Variants in PITPNM2 observed in about 807,000 individuals in gnomAD.
PITPNM2 encodes the protein membrane-associated phosphatidylinositol transfer protein 2.
In PITPNM2, 35 loss-of-function variants were observed where a neutral mutation model predicts 132.2. The ratio of observed to expected loss-of-function variants is 0.26; its 90% confidence interval spans 0.20 to 0.35. PITPNM2 has a LOEUF of 0.35. PITPNM2 is among the 10% of genes least tolerant of loss of function. PITPNM2 has a pLI of 1.00. For missense variants in PITPNM2, 1,332 were observed against 1,912.0 expected, an observed-to-expected ratio of 0.70 and a Z score of 5.66; for synonymous variants, 738 against 799.2, an observed-to-expected ratio of 0.92 and a Z score of 1.29.
intron 2 of PITPNM2, among the ~76,000 whole-genome samples, chr12:123,048,659 G>A (rs1180964570): frequency 1.3e-5 from 2 of 152,048 alleles, no homozygotes; most frequent in African/African-American, 4.8e-5. Flanking sequence ...TGATCCACCC[G>A]CCTCGGCCTC....
intron 2 of PITPNM2, among the ~76,000 whole-genome samples, chr12:123,109,550 T>C (rs997535573): frequency 6.6e-6 from 1 of 152,160 alleles, no homozygotes; most frequent in Non-Finnish European, 1.5e-5. Flanking sequence ...AAAACCACAC[T>C]CATGCTTGTT....
At position 123,150,801 on chromosome 12, in the gene PITPNM2, G is replaced by A. The variant is rs2043726571; in HGVS notation, c.-248C>T. ...CTGTCCTCTTCGGGGCCCCGGCTGG[G>A]CCGCCGCCACCTCACGCCGCCTCAC... is the stretch of plus-strand genomic sequence containing the variant. On this transcript the variant is annotated 5_prime_UTR_variant, in exon 1 of 26. Transcript: ENST00000320201. This position sits in a 1 kb window ranked among gnomAD's most constrained non-coding sequence, Gnocchi z 6.0. 6.8e-6 allele frequency among the ~76,000 whole-genome samples: 1 copy of A among 147,658 alleles called. No homozygotes were observed. Among genetic ancestry groups the A allele is most frequent in the Admixed American group, 6.7e-5 (1 of 14,884 alleles).
intron 3 of PITPNM2, among the ~76,000 whole-genome samples, chr12:123,027,269 T>C (rs966812032): frequency 6.6e-6 from 1 of 152,070 alleles, no homozygotes. Flanking sequence ...TTGCCACCCA[T>C]AGGTGACCCT....
chr12:123,118,162 C>T (rs1016343662), intron 1 of PITPNM2, among the ~76,000 whole-genome samples: 12 of 152,184 alleles, frequency 7.9e-5, no homozygotes, highest in African/African-American at 2.9e-4. Flanking sequence ...AATACATTCA[C>T]CAAATTGATA....
intron 2 of PITPNM2, among the ~76,000 whole-genome samples, chr12:123,067,735 A>C (rs1336889255): frequency 1.3e-5 from 2 of 152,212 alleles, no homozygotes; most frequent in East Asian, 3.9e-4. Flanking sequence ...TGTTTAGGCC[A>C]TGCAGTTTGT....
In PITPNM2 at chr12:123,096,947, T is replaced by C. The variant is rs548799892; in HGVS notation, c.-96+13438A>G. Among the ~76,000 whole-genome samples, 6 of 152,354 alleles carry C rather than the reference T, an allele frequency of 3.9e-5. No individual in the cohort carries two copies. In the East Asian group the frequency reaches 7.7e-4, roughly 20 times the overall value. On this transcript the variant is annotated intron_variant, in intron 2 of 25. Transcript: ENST00000320201. ...CTAAAGGATGCTGGACTGGTGCCAC[T>C]GTGCTTAGTGCAACACAGCTGTCCC... is the stretch of plus-strand genomic sequence containing the variant.
At chr12:123,103,896 TTTTA>T (rs113942958) in intron 2 of PITPNM2, among the ~76,000 whole-genome samples, 218 of 149,922 alleles carry the variant, frequency 1.5e-3, no homozygotes, top group African/African-American at 5.0e-3. Flanking sequence ...TATTTTGTTA[TTTTA>T]TTTATTTATT....
rs374814359 is a variant in PITPNM2, at chr12:123,146,115, G to A, written c.-200+4638C>T. Reference sequence around the variant, plus strand: ...GTGGGAGCTAAAGGTGAGAACACACGGACACATAGAGGGGGGTAACACACA... The same window carrying A: ...GTGGGAGCTAAAGGTGAGAACACACAGACACATAGAGGGGGGTAACACACA... On this transcript the variant is annotated intron_variant, in intron 1 of 25. Transcript: ENST00000320201. 1.4e-4 allele frequency among the ~76,000 whole-genome samples: 21 copies of A among 152,172 alleles called. No homozygotes were observed. In the East Asian group the frequency reaches 2.5e-3, roughly 18 times the overall value.
At chr12:123,116,580 T>C (rs2042940008) in intron 1 of PITPNM2, among the ~76,000 whole-genome samples, 1 of 150,472 alleles carries the variant, frequency 6.6e-6, no homozygotes, top group African/African-American at 2.5e-5. Flanking sequence ...GCCCAGGAGG[T>C]TGAGGCTGCA....
At position 123,000,567 on chromosome 12, in the gene PITPNM2, G is replaced by A. The variant is rs1397995208; in HGVS notation, c.1224+211C>T. On this transcript the variant is annotated intron_variant, in intron 10 of 25. Coordinates refer to ENST00000320201, the MANE Select transcript of PITPNM2 (RefSeq NM_020845.3). The surrounding 1 kb of genome is among the most constrained non-coding windows in gnomAD (Gnocchi z 5.4). Reference sequence around the variant, plus strand: ...GGGTTGTCTGTAGTCCCTGGTTCTCGGGGACCTCAGAGACAGAGGGCGACA... The same window carrying A: ...GGGTTGTCTGTAGTCCCTGGTTCTCAGGGACCTCAGAGACAGAGGGCGACA... 9 of 672,604 alleles carry A rather than the reference G, an allele frequency of 1.3e-5. No homozygotes were observed. Among genetic ancestry groups the A allele is most frequent in the Admixed American group, 4.5e-5 (2 of 44,434 alleles). 41.7% of individuals were successfully genotyped at this position (672,604 alleles called of 1,614,324 possible).
rs751067447 is a variant in PITPNM2, at chr12:123,111,644, C to T, written c.-199-1156G>A. On this transcript the variant is annotated intron_variant, in intron 1 of 25. Transcript: ENST00000320201. The surrounding 1 kb of genome is among the most constrained non-coding windows in gnomAD (Gnocchi z 4.1). The stretch of plus-strand genomic sequence containing the variant: ...TCCAACCCCGCCACCGCCACCGCGT[C>T]CTGCATGCCCACCCCCGTGCAGGCT... Among the ~76,000 whole-genome samples the T allele has an allele frequency of 1.3e-5, 2 of 152,210 alleles. No homozygotes were observed. Among genetic ancestry groups the T allele is most frequent in the Non-Finnish European group, 2.9e-5 (2 of 68,034 alleles).
chr12:122,994,125 C>G lies in PITPNM2; in HGVS notation c.2233+676G>C, dbSNP rs191571999. Among the ~76,000 whole-genome samples the G allele has an allele frequency of 8.5e-5, 13 of 152,310 alleles. No individual in the cohort carries two copies. Among genetic ancestry groups the G allele is most frequent in the African/African-American group, 3.1e-4 (13 of 41,550 alleles). ...CTGACCTCAGCTGATCCGCCCGCCT[C>G]GGCCTCCCAAAGTGCTGGATTACAG... On this transcript the variant is annotated intron_variant, in intron 15 of 25. Transcript: ENST00000320201. This position sits in a 1 kb window ranked among gnomAD's most constrained non-coding sequence, Gnocchi z 5.4.
In PITPNM2 at chr12:123,095,647, A is replaced by C. The variant is rs1294622892; in HGVS notation, c.-96+14738T>G. ...TTCAAGGCGACATCTAAGCTCCTTA[A>C]CTAGGGCACGAGGCCCCCAACCTGG... is the stretch of plus-strand genomic sequence containing the variant. On this transcript the variant is annotated intron_variant, in intron 2 of 25. Coordinates refer to ENST00000320201, the MANE Select transcript of PITPNM2 (RefSeq NM_020845.3). The surrounding 1 kb of genome is among the most constrained non-coding windows in gnomAD (Gnocchi z 5.0). Among the ~76,000 whole-genome samples, 1 of 152,128 alleles carries C rather than the reference A, an allele frequency of 6.6e-6. No individual in the cohort carries two copies. The highest frequency in any genetic ancestry group is 2.4e-5 in the African/African-American group (1 of 41,418).
At chr12:123,124,458 C>T (rs1327748217) in intron 1 of PITPNM2, among the ~76,000 whole-genome samples, 1 of 152,042 alleles carries the variant, frequency 6.6e-6, no homozygotes, top group Non-Finnish European at 1.5e-5. Flanking sequence ...AAGTAATATA[C>T]ATTAATATAT....
In PITPNM2 at chr12:122,997,388, C is replaced by A. The variant is rs759367154; in HGVS notation, c.1409G>T (p.Arg470Leu). The A allele has an allele frequency of 6.2e-7, 1 of 1,613,436 alleles. No individual in the cohort carries two copies. Among genetic ancestry groups the A allele is most frequent in the South Asian group, 1.1e-5 (1 of 91,072 alleles). The change falls in exon 11 of 26, where the codon CGC (arginine) becomes CTC (leucine). Residue 470 changes from arginine to leucine, a missense_variant. By Grantham distance (102) the Arg-to-Leu change is moderately radical. This residue lies in a region of PITPNM2 where 710 missense variants were observed against 911.5 expected (regional missense o/e 0.78). Coordinates refer to ENST00000320201, the MANE Select transcript of PITPNM2 (RefSeq NM_020845.3). ...MRVHYPSALG[R>L]LAIRLVPCPP... is the part of the protein sequence containing the mutation. ...GCAGGGCACCAGGCGGATGGCAAGG[C>A]GGCCCAGGGCGCTGGGGTAGTGCAC...
chr12:123,128,534 A>G (rs992590405), intron 1 of PITPNM2, among the ~76,000 whole-genome samples: 4 of 149,866 alleles, frequency 2.7e-5, no homozygotes, highest in African/African-American at 7.4e-5. Context: ...GGGGCAAATC[A>G]CAAGGTCAGA....
At chr12:123,115,214 T>C (rs933653172) in intron 1 of PITPNM2, among the ~76,000 whole-genome samples, 25 of 152,190 alleles carry the variant, frequency 1.6e-4, no homozygotes, top group Non-Finnish European at 1.5e-5. Context: ...TTTCTTATTT[T>C]ATGACCCTAC....
Position 122,993,116 on chromosome 12 carries a change from C to T in PITPNM2, c.2234-447G>A, listed in dbSNP as rs747249088. On this transcript the variant is annotated intron_variant, in intron 15 of 25. Transcript: ENST00000320201. This position sits in a 1 kb window ranked among gnomAD's most constrained non-coding sequence, Gnocchi z 5.2. Reference sequence around the variant, plus strand: ...TGCTGGGATTACAGGCGTGAGCCACCACGCCTGACCTCTAATTTTTTTTCA... The same window carrying T: ...TGCTGGGATTACAGGCGTGAGCCACTACGCCTGACCTCTAATTTTTTTTCA... Among the ~76,000 whole-genome samples, 90 of 152,298 alleles carry T rather than the reference C, an allele frequency of 5.9e-4. 1 individual carries two copies. Among genetic ancestry groups the T allele is most frequent in the Non-Finnish European group, 1.2e-3 (85 of 68,028 alleles).
At chr12:123,137,563 C>T (rs1394685712) in intron 1 of PITPNM2, among the ~76,000 whole-genome samples, 4 of 152,170 alleles carry the variant, frequency 2.6e-5, no homozygotes, top group Non-Finnish European at 5.9e-5. Context: ...ACCACTGCTA[C>T]TGTTACCAGG....
Sources: allele counts gnomAD v4.1 joint callset (sites outside exome capture counted in the v4.1 genomes callset), GRCh38; gene constraint gnomAD v4.1.1; regional missense constraint gnomAD v4.1.1; non-coding constraint Gnocchi (gnomAD v3.1); transcripts MANE v1.5; gene names NCBI Gene and HGNC (gene_info 2026-07-23, HGNC 2026-07-21).